Variants in RAB3GAP2 observed in about 807,000 individuals in gnomAD.
RAB3GAP2 encodes RAB3 GTPase activating non-catalytic protein subunit 2.
In RAB3GAP2, 87 loss-of-function variants were observed where a neutral mutation model predicts 185.3. That is an observed-to-expected ratio of 0.47 (90% CI 0.39 to 0.56). RAB3GAP2 has a LOEUF of 0.56. Ranked by LOEUF, RAB3GAP2 falls within the 20% of genes least tolerant of loss-of-function variation. The probability of loss-of-function intolerance (pLI) is 0.00; values close to 1 mark genes in which losing one functional copy is unlikely to be tolerated. For synonymous variants in RAB3GAP2, 554 were observed against 576.1 expected (o/e 0.96, Z 0.55); for missense variants, 1,492 against 1,638.2 (o/e 0.91, Z 1.54).
At chr1:220,212,667 A>AT (rs983947443) in intron 4 of RAB3GAP2, among the ~76,000 whole-genome samples, 2 of 152,012 alleles carry the variant, frequency 1.3e-5, no homozygotes. Flanking sequence ...TAATTTTTAA[A>AT]TTTTTTGTAA....
intron 16 of RAB3GAP2, 133 bp downstream of exon 16, chr1:220,189,931 C>A: frequency 9.5e-7 from 1 of 1,057,014 alleles, no homozygotes; most frequent in Non-Finnish European, 1.4e-6. Flanking sequence ...CTCTAGATGG[C>A]ACACTTCAGC....
chr1:220,233,463 G>A (rs1205642291), intron 1 of RAB3GAP2, among the ~76,000 whole-genome samples: 1 of 152,152 alleles, frequency 6.6e-6, no homozygotes, highest in African/African-American at 2.4e-5. Flanking sequence ...AGCCCAGATA[G>A]GTTTGGACAG....
At chr1:220,159,320 T>C (rs2102852988) in intron 29 of RAB3GAP2, 66 bp downstream of exon 29, 1 of 1,320,424 alleles carries the variant, frequency 7.6e-7, no homozygotes, top group East Asian at 2.3e-5. Context: ...CCTATACAGT[T>C]AATAAAGTAC....
At chr1:220,154,596 A>G (rs1657823131) in intron 31 of RAB3GAP2, among the ~76,000 whole-genome samples, 1 of 152,118 alleles carries the variant, frequency 6.6e-6, no homozygotes, top group South Asian at 2.1e-4. Context: ...GCACCTAGAT[A>G]AGGAGAACAC....
rs191064902 is a variant in RAB3GAP2 at position 220,251,188 on chromosome 1, T to A, written c.116-18325A>T. 1.5e-3 allele frequency among the ~76,000 whole-genome samples: 228 copies of A among 152,292 alleles called. 1 individual carries two copies. The highest frequency in any genetic ancestry group is 3.4e-3 in the Middle Eastern group (1 of 292). On this transcript the variant is annotated intron_variant, in intron 1 of 34. Transcript: ENST00000358951. ...TGTGTTAAAACAATTGCATATCCAT[T>A]TGCAATAAAATAAGGATAGGTTTCC...
chr1:220,205,809 G>T, intron 8 of RAB3GAP2, 98 bp downstream of exon 8: 3 of 890,484 alleles, frequency 3.4e-6, no homozygotes, highest in South Asian at 1.5e-5. Context: ...AGTTCAGAAG[G>T]CCTTTTTTAT....
chr1:220,204,118 T>C (rs767213346), intron 8 of RAB3GAP2, among the ~76,000 whole-genome samples: 1 of 152,152 alleles, frequency 6.6e-6, no homozygotes. Context: ...AATTAGGATA[T>C]GTTTACTGCT....
chr1:220,180,594 T>C (rs1658384464), intron 21 of RAB3GAP2, among the ~76,000 whole-genome samples: 1 of 152,066 alleles, frequency 6.6e-6, no homozygotes, highest in African/African-American at 2.4e-5. Context: ...TCATAAAAAG[T>C]CTCCCATCAC....
In RAB3GAP2 at chr1:220,185,610, G is replaced by C. The variant is rs774101338; in HGVS notation, c.1870+41C>G. 3.6e-5 allele frequency: 53 copies of C among 1,461,312 alleles called. No individual in the cohort carries two copies. In the Admixed American group the frequency reaches 3.7e-4, roughly 10 times the overall value. The allele number at this position is 1,461,312 out of a possible 1,614,324, so 90.5% of individuals were successfully genotyped here. On this transcript the variant is annotated intron_variant, in intron 18 of 34. Transcript: ENST00000358951. The stretch of plus-strand genomic sequence containing the variant: ...TTCTATAATCAGAGTTACAAAATTT[G>C]AGTTAAGAACATAACCTCCAATCAG...
rs1657670268 is a variant in RAB3GAP2 at position 220,148,620 on chromosome 1, T to C, written c.*2631A>G. The C allele has an allele frequency of 6.6e-6, 1 of 152,184 alleles. No homozygotes were observed. The highest frequency in any genetic ancestry group is 1.5e-5 in the Non-Finnish European group (1 of 68,018). The allele number at this position is 152,184 out of a possible 1,614,324, so 9.4% of individuals were successfully genotyped here. On this transcript the variant is annotated 3_prime_UTR_variant, in exon 35 of 35. Coordinates refer to ENST00000358951, the MANE Select transcript of RAB3GAP2 (RefSeq NM_012414.4). ...AAATGAACATTATATTCAGTGTAAGTCTCATATTATTAAATTTCAGATTTT... is the reference window on the plus strand; with the variant it reads ...AAATGAACATTATATTCAGTGTAAGCCTCATATTATTAAATTTCAGATTTT...
chr1:220,225,721 A>G (rs1479688267), intron 2 of RAB3GAP2, among the ~76,000 whole-genome samples: 2 of 152,224 alleles, frequency 1.3e-5, no homozygotes, highest in Non-Finnish European at 2.9e-5. Flanking sequence ...AATAAGAAAC[A>G]GCCTAATGAG....
At chr1:220,193,531 C>A (rs1375085169) in intron 12 of RAB3GAP2, 152 bp from the exon 13 acceptor site, 1 of 798,198 alleles carries the variant, frequency 1.3e-6, no homozygotes, top group Non-Finnish European at 1.9e-6. Flanking sequence ...TTATTAATCA[C>A]AACTGACATT....
At chr1:220,206,067 T>C in intron 7 of RAB3GAP2, 61 bp from the exon 8 acceptor site, 1 of 1,058,256 alleles carries the variant, frequency 9.4e-7, no homozygotes, top group Middle Eastern at 2.9e-4. Flanking sequence ...CTACTTTTTA[T>C]TATACTGAAT....
chr1:220,215,610 A>T (rs1375191146), intron 2 of RAB3GAP2, among the ~76,000 whole-genome samples: 2 of 152,048 alleles, frequency 1.3e-5, no homozygotes, highest in East Asian at 3.9e-4. Flanking sequence ...CTTTGTATAC[A>T]CTCTTTACAT....
chr1:220,225,533 T>A (rs1484325398), intron 2 of RAB3GAP2, among the ~76,000 whole-genome samples: 1 of 152,190 alleles, frequency 6.6e-6, no homozygotes, highest in Non-Finnish European at 1.5e-5. Flanking sequence ...TGCACCCCCC[T>A]CAAGCTGTGA....
intron 12 of RAB3GAP2, 82 bp from the exon 13 acceptor site, chr1:220,193,461 A>C (rs1376785789): frequency 3.0e-6 from 4 of 1,323,462 alleles, no homozygotes; most frequent in African/African-American, 1.5e-5. Context: ...GCATAAATGA[A>C]ATAGGCTGAA....
rs149699861 is a variant in RAB3GAP2, at chr1:220,194,973, A to C, written c.1130+105T>G. The stretch of plus-strand genomic sequence containing the variant: ...AAATTCCACTGTAATGGCTTTCAGA[A>C]GTTCCAAAGACAAGATCAGCAAATC... On this transcript the variant is annotated intron_variant, in intron 12 of 34. Coordinates refer to ENST00000358951, the MANE Select transcript of RAB3GAP2 (RefSeq NM_012414.4). 578 of 1,129,692 alleles carry C rather than the reference A, an allele frequency of 5.1e-4. 3 individuals are homozygous for C. In the African/African-American group the frequency reaches 7.3e-3, roughly 14 times the overall value. The allele number at this position is 1,129,692 out of a possible 1,614,324, so 70.0% of individuals were successfully genotyped here.
intron 2 of RAB3GAP2, among the ~76,000 whole-genome samples, chr1:220,220,819 T>G (rs1303361074): frequency 1.3e-5 from 2 of 152,222 alleles, no homozygotes; most frequent in Non-Finnish European, 2.9e-5. Context: ...ATGTGAGACA[T>G]GGCTTTCACC....
intron 2 of RAB3GAP2, among the ~76,000 whole-genome samples, chr1:220,219,965 CCTA>C (rs1343979541): frequency 6.6e-6 from 1 of 152,150 alleles, no homozygotes; most frequent in African/African-American, 2.4e-5. Flanking sequence ...AGGGCATTTG[CCTA>C]CTAATTAGCG....
Sources: allele counts gnomAD v4.1 joint callset (sites outside exome capture counted in the v4.1 genomes callset), GRCh38; gene constraint gnomAD v4.1.1; transcripts MANE v1.5; gene names NCBI Gene and HGNC (gene_info 2026-07-23, HGNC 2026-07-21).